ANKRD55: variants seen among roughly 807,000 people sequenced by gnomAD.
ANKRD55 encodes ankyrin repeat domain 55, also known as ankyrin repeat domain-containing protein 55.
In ANKRD55, 41 loss-of-function variants were observed where a neutral mutation model predicts 60.6. The ratio of observed to expected loss-of-function variants is 0.68; its 90% CI spans 0.53 to 0.88. ANKRD55 has a LOEUF of 0.88. ANKRD55 is among the 40% of genes least tolerant of loss of function. The probability of loss-of-function intolerance (pLI) is 0.00; values close to 1 mark genes in which losing one functional copy is unlikely to be tolerated. For synonymous variants in ANKRD55, 264 were observed against 290.3 expected, an observed-to-expected ratio of 0.91 and a Z score of 0.92; for missense variants, 732 against 767.6, an observed-to-expected ratio of 0.95 and a Z score of 0.55.
chr5:56,111,880 G>T, intron 9 of ANKRD55, 98 bp from the exon 10 acceptor site: 1 of 1,190,814 alleles, frequency 8.4e-7, no homozygotes, highest in Non-Finnish European at 1.1e-6. Flanking sequence ...GCTTCATCAG[G>T]TTTTCTGAGA....
At chr5:56,199,980 G>A (rs1326705022) in intron 2 of ANKRD55, among the ~76,000 whole-genome samples, 2 of 151,970 alleles carry the variant, frequency 1.3e-5, no homozygotes, top group Non-Finnish European at 1.5e-5. Flanking sequence ...CTACAATTGT[G>A]TTTTAATTGT....
intron 2 of ANKRD55, chr5:56,193,442 G>A: frequency 1.9e-6 from 1 of 531,200 alleles, no homozygotes; most frequent in Non-Finnish European, 3.4e-6. Flanking sequence ...GAGGGTCCTG[G>A]TTGCTGTTCC....
At chr5:56,157,734 T>TA (rs1254762258) in intron 6 of ANKRD55, among the ~76,000 whole-genome samples, 2 of 152,144 alleles carry the variant, frequency 1.3e-5, no homozygotes, top group Non-Finnish European at 2.9e-5. Flanking sequence ...TCCCCACTAT[T>TA]ACCCTATTGT....
chr5:56,106,176 A>T (rs1425113923), intron 10 of ANKRD55, among the ~76,000 whole-genome samples: 1 of 152,164 alleles, frequency 6.6e-6, no homozygotes, highest in East Asian at 1.9e-4. Flanking sequence ...TATTATTTCT[A>T]CCAAACCCAG....
chr5:56,149,095 G>T (rs1364759081), intron 6 of ANKRD55, among the ~76,000 whole-genome samples: 1 of 152,138 alleles, frequency 6.6e-6, no homozygotes, highest in Non-Finnish European at 1.5e-5. Flanking sequence ...ACTAGATGGT[G>T]TTACAAGTAC....
chr5:56,116,656 G>C lies in ANKRD55; in HGVS notation c.924C>G (p.Cys308Trp), dbSNP rs1209908645. 14 of 1,607,832 alleles carry C rather than the reference G, an allele frequency of 8.7e-6. No homozygotes were observed. The highest frequency in any genetic ancestry group is 1.2e-5 in the Non-Finnish European group (14 of 1,177,382). Residue 308 changes from cysteine (C) to tryptophan (W), a missense_variant, in exon 9 of 12, where the codon TGC becomes TGG. Cys to Trp is a radical substitution (Grantham distance 215). This residue lies in a region of ANKRD55 where 597 missense variants were observed against 607.5 expected (regional missense o/e 0.98). Coordinates refer to ENST00000341048, the MANE Select transcript of ANKRD55 (RefSeq NM_024669.3). The part of the protein sequence containing the change: ...ESTPLAYALY[C>W]GHTACVKLLS... ...GGAGTTTGACACACGCCGTGTGACC[G>C]CAGTACAGGGCATAGGCCAAGGGCG...
At chr5:56,208,636 C>T (rs1334332648) in intron 2 of ANKRD55, among the ~76,000 whole-genome samples, 3 of 152,144 alleles carry the variant, frequency 2.0e-5, no homozygotes, top group Admixed American at 6.5e-5. Flanking sequence ...GTTGGCCAGT[C>T]CGGTCTTGAA....
At chr5:56,132,863 T>C (rs917992013) in intron 7 of ANKRD55, among the ~76,000 whole-genome samples, 3 of 151,110 alleles carry the variant, frequency 2.0e-5, no homozygotes, top group African/African-American at 7.3e-5. Flanking sequence ...AAAGCAGGAG[T>C]AGCTATATAT....
intron 10 of ANKRD55, among the ~76,000 whole-genome samples, chr5:56,106,739 C>T (rs1003512545): frequency 6.6e-6 from 1 of 152,000 alleles, no homozygotes; most frequent in Non-Finnish European, 1.5e-5. Flanking sequence ...GCCTTAGTGG[C>T]TCATATCTAT....
chr5:56,166,103 T>TTTCTTTC (rs1554040792), intron 5 of ANKRD55, among the ~76,000 whole-genome samples: 38 of 50,798 alleles, frequency 7.5e-4, no homozygotes, highest in Non-Finnish European at 1.3e-3. Flanking sequence ...TCTTTCTTTC[T>TTTCTTTC]TTCTTTCTTT....
intron 7 of ANKRD55, among the ~76,000 whole-genome samples, chr5:56,129,047 C>T (rs2111726342): frequency 6.6e-6 from 1 of 152,202 alleles, no homozygotes; most frequent in Admixed American, 6.5e-5. Flanking sequence ...CATGGTGCAC[C>T]CTCAGGAGAA....
chr5:56,203,651 C>T (rs1759432001), intron 2 of ANKRD55, among the ~76,000 whole-genome samples: 1 of 152,180 alleles, frequency 6.6e-6, no homozygotes, highest in African/African-American at 2.4e-5. Context: ...CATGTCCCTA[C>T]AAAGGACATG....
At chr5:56,208,537 GGC>G (rs1358852053) in intron 2 of ANKRD55, among the ~76,000 whole-genome samples, 2 of 151,986 alleles carry the variant, frequency 1.3e-5, no homozygotes, top group South Asian at 2.1e-4. Flanking sequence ...CAATTCTCCT[GGC>G]TTAGCCTCCC....
chr5:56,109,771 C>A lies in ANKRD55; in HGVS notation c.1630+1347G>T, dbSNP rs963723146. Among the ~76,000 whole-genome samples, 8 of 152,136 alleles carry A rather than the reference C, an allele frequency of 5.3e-5. No homozygotes were observed. The South Asian group carries it at 1.2e-3, about 24-fold the overall frequency. On this transcript the variant is annotated intron_variant, in intron 10 of 11. Transcript: ENST00000341048. ...GCGCGGTGGCTCACGCCTGTAATCC[C>A]AGCACTATGGGAGGCTGGGACGGGT...
At chr5:56,112,504 C>CAAAAAAAAAAAAAAAACAA (rs1561252078) in intron 9 of ANKRD55, among the ~76,000 whole-genome samples, 1 of 25,698 alleles carries the variant, frequency 3.9e-5, no homozygotes, top group African/African-American at 1.8e-4. Context: ...TCATCTCTAG[C>CAAAAAAAAAAAAAAAACAA]AAAAAAAAAA....
chr5:56,218,189 G>T (rs1156592426), intron 2 of ANKRD55, among the ~76,000 whole-genome samples: 8 of 152,158 alleles, frequency 5.3e-5, no homozygotes, highest in Non-Finnish European at 1.2e-4. Context: ...TGTGAATATT[G>T]TTGAAATGAC....
intron 2 of ANKRD55, among the ~76,000 whole-genome samples, chr5:56,220,594 C>G (rs546533491): frequency 7.9e-5 from 12 of 152,330 alleles, no homozygotes; most frequent in African/African-American, 2.6e-4. Flanking sequence ...GAAGGCAGAT[C>G]ACCTGAGGTC....
chr5:56,154,134 G>A (rs1382745873), intron 6 of ANKRD55, among the ~76,000 whole-genome samples: 1 of 142,710 alleles, frequency 7.0e-6, no homozygotes, highest in African/African-American at 2.6e-5. Context: ...CCAGGAGGTG[G>A]AGCTTGCAGT....
intron 2 of ANKRD55, among the ~76,000 whole-genome samples, chr5:56,188,135 T>C (rs559554191): frequency 3.5e-4 from 53 of 152,222 alleles, no homozygotes; most frequent in African/African-American, 1.2e-3. Flanking sequence ...ACTAAGCCAC[T>C]CAGCACTAGC....
Sources: gnomAD v4.1 joint callset for allele counts (sites outside exome capture counted in the v4.1 genomes callset) on GRCh38, gnomAD v4.1.1 for gene constraint, gnomAD v4.1.1 regional missense constraint, MANE v1.5 for transcripts, NCBI Gene and HGNC (gene_info 2026-07-23, HGNC 2026-07-21) for gene names.